Variants in GALNT17 observed in about 807,000 individuals in gnomAD.
The protein encoded by GALNT17 is UDP-GalNAc:polypeptide N-acetylgalactosaminyltransferase-like 3.
GALNT17 carries 29 observed loss-of-function variants against 63.7 expected under a neutral mutation model. The observed-to-expected ratio is 0.46, with a 90% CI of 0.34 to 0.62. The LOEUF (loss-of-function observed/expected upper bound fraction) is 0.62, where lower values mean the gene tolerates loss of function less well. Ranked by LOEUF, GALNT17 falls within the 20% of genes least tolerant of loss-of-function variation. GALNT17 has a pLI of 0.01. For synonymous variants in GALNT17, 305 were observed against 318.3 expected (o/e 0.96, Z 0.45); for missense variants, 603 against 799.6 (o/e 0.75, Z 2.97).
intron 1 of GALNT17, among the ~76,000 whole-genome samples, chr7:71,291,983 T>G (rs114404249): frequency 1.9e-3 from 290 of 152,328 alleles, no homozygotes; most frequent in African/African-American, 6.8e-3. Flanking sequence ...TTATTTTTCA[T>G]GGTTTAATAA....
intron 2 of GALNT17, among the ~76,000 whole-genome samples, chr7:71,364,749 C>T (rs1792470118): frequency 6.6e-6 from 1 of 152,072 alleles, no homozygotes; most frequent in South Asian, 2.1e-4. Context: ...TTTCTGCTTA[C>T]AATCCCACCT....
chr7:71,393,968 G>T (rs55978056), intron 3 of GALNT17, among the ~76,000 whole-genome samples: 1 of 149,246 alleles, frequency 6.7e-6, no homozygotes, highest in Non-Finnish European at 1.5e-5. Flanking sequence ...CTGGTGCCCC[G>T]ACACTACTCT....
chr7:71,377,363 C>T (rs1365484409), intron 2 of GALNT17, among the ~76,000 whole-genome samples: 1 of 30,986 alleles, frequency 3.2e-5, no homozygotes, highest in Non-Finnish European at 6.4e-5. Context: ...GAGAATATTC[C>T]AAAATAAATA....
chr7:71,679,410 A>T (rs1791202798), intron 9 of GALNT17, among the ~76,000 whole-genome samples: 1 of 152,124 alleles, frequency 6.6e-6, no homozygotes, highest in Non-Finnish European at 1.5e-5. Flanking sequence ...AAAGAAAAAA[A>T]TAAGTGCACG....
chr7:71,279,482 T>C (rs1790742579), intron 1 of GALNT17, among the ~76,000 whole-genome samples: 1 of 152,012 alleles, frequency 6.6e-6, no homozygotes, highest in Non-Finnish European at 1.5e-5. Context: ...ATCAACCTTC[T>C]TCCCTCTGTG....
At chr7:71,233,363 C>T (rs1165231376) in intron 1 of GALNT17, among the ~76,000 whole-genome samples, 1 of 152,146 alleles carries the variant, frequency 6.6e-6, no homozygotes, top group Non-Finnish European at 1.5e-5. Flanking sequence ...GCGCATCCTC[C>T]ATCAGCATCG....
Position 71,403,989 on chromosome 7 carries a change from G to A in GALNT17, c.590-11900G>A, listed in dbSNP as rs571505894. Among the ~76,000 whole-genome samples, 11 of 152,282 alleles carry A rather than the reference G, an allele frequency of 7.2e-5. No individual in the cohort carries two copies. In the South Asian group the frequency reaches 1.5e-3, roughly 20 times the overall value. ...GACAAATTTGATTGCTGAAATTCAC[G>A]TGTTATTATTAGAATCAGCTGCAAA... On this transcript the variant is annotated intron_variant, in intron 3 of 10. Transcript: ENST00000333538.
At chr7:71,273,727 A>G (rs889541588) in intron 1 of GALNT17, among the ~76,000 whole-genome samples, 2 of 152,356 alleles carry the variant, frequency 1.3e-5, no homozygotes, top group African/African-American at 4.8e-5. Context: ...AAAGAGAGTG[A>G]GATAAAGAGA....
At chr7:71,204,413 A>G (rs549188737) in intron 1 of GALNT17, among the ~76,000 whole-genome samples, 5 of 152,092 alleles carry the variant, frequency 3.3e-5, no homozygotes, top group South Asian at 4.1e-4. Flanking sequence ...TTTAGGATCA[A>G]TTTTTCTTTT....
chr7:71,285,295 C>G (rs1790853317), intron 1 of GALNT17, among the ~76,000 whole-genome samples: 1 of 152,112 alleles, frequency 6.6e-6, no homozygotes, highest in Admixed American at 6.5e-5. Flanking sequence ...AAAGGTAATT[C>G]ATTCCTTCTT....
intron 5 of GALNT17, among the ~76,000 whole-genome samples, chr7:71,469,147 G>C (rs1387419486): frequency 6.6e-6 from 1 of 152,102 alleles, no homozygotes; most frequent in Non-Finnish European, 1.5e-5. Context: ...CTTCAGGAAA[G>C]GGTGGGGTAT....
chr7:71,302,689 C>G (rs1791222525), intron 1 of GALNT17, among the ~76,000 whole-genome samples: 1 of 152,096 alleles, frequency 6.6e-6, no homozygotes, highest in African/African-American at 2.4e-5. Context: ...GGGTCTTATT[C>G]ATTATTTTCA....
intron 5 of GALNT17, among the ~76,000 whole-genome samples, chr7:71,427,965 C>T (rs1786790430): frequency 6.6e-6 from 1 of 152,130 alleles, no homozygotes; most frequent in Admixed American, 6.5e-5. Context: ...CCATCCCCAC[C>T]CACCACCCTT....
At chr7:71,439,576 T>C (rs4585627) in intron 5 of GALNT17, among the ~76,000 whole-genome samples, 85,754 of 152,112 alleles carry the variant, frequency 0.56, 26,353 homozygotes, top group Non-Finnish European at 0.69. Flanking sequence ...CAGCGGCAGG[T>C]AGATTAATCT....
intron 9 of GALNT17, among the ~76,000 whole-genome samples, chr7:71,692,177 G>A (rs1791457618): frequency 6.6e-6 from 1 of 152,082 alleles, no homozygotes; most frequent in African/African-American, 2.4e-5. Flanking sequence ...TCCTGCCTCA[G>A]CTTCCCAAAG....
chr7:71,148,863 TATA>T (rs1380639387), intron 1 of GALNT17, among the ~76,000 whole-genome samples: 4 of 100,286 alleles, frequency 4.0e-5, no homozygotes, highest in Admixed American at 2.0e-4. Flanking sequence ...GGTATTTTTA[TATA>T]TATATATATA....
At position 71,633,270 on chromosome 7, in the gene GALNT17, G is replaced by A. The variant is rs1341865049; in HGVS notation, c.1081-32141G>A. 4.6e-5 allele frequency among the ~76,000 whole-genome samples: 7 copies of A among 152,216 alleles called. No homozygotes were observed. In the East Asian group the frequency reaches 1.4e-3, roughly 29 times the overall value. The stretch of plus-strand genomic sequence containing the variant: ...CAGGCACAGCCCGGCTGTGGGTTGG[G>A]AAGGTTTCCCAATATGGAACACTCT... On this transcript the variant is annotated intron_variant, in intron 6 of 10. Transcript: ENST00000333538.
chr7:71,466,434 A>G (rs771474472), intron 5 of GALNT17, among the ~76,000 whole-genome samples: 10 of 152,236 alleles, frequency 6.6e-5, no homozygotes, highest in Non-Finnish European at 1.0e-4. Flanking sequence ...ATAGTATCAC[A>G]TGACAGAGAG....
intron 2 of GALNT17, among the ~76,000 whole-genome samples, chr7:71,372,892 C>T (rs75722471): frequency 0.11 from 16,921 of 152,176 alleles, 1,054 homozygotes; most frequent in Middle Eastern, 0.23. Flanking sequence ...AGAAAGGGAT[C>T]CCCATGCTAG....
Sources: gnomAD v4.1 joint callset for allele counts (sites outside exome capture counted in the v4.1 genomes callset) on GRCh38, gnomAD v4.1.1 for gene constraint, MANE v1.5 for transcripts, NCBI Gene and HGNC (gene_info 2026-07-23, HGNC 2026-07-21) for gene names.